Variants in DNAH8 observed in about 807,000 individuals in gnomAD.
DNAH8 encodes axonemal beta dynein heavy chain 8.
Under a neutral mutation model 562.1 loss-of-function variants are expected in DNAH8, and 382 were observed. The ratio of observed to expected loss-of-function variants is 0.68; its 90% CI spans 0.63 to 0.74. The LOEUF (loss-of-function observed/expected upper bound fraction) is 0.74, where lower values mean the gene tolerates loss of function less well. Among genes scored for constraint, DNAH8 ranks in the 30% least tolerant of loss-of-function variants. The pLI is 0.00. For missense variants in DNAH8, 5,203 were observed against 5,620.4 expected (o/e 0.93, Z 2.37); for synonymous variants, 1,881 against 1,919.4 (o/e 0.98, Z 0.52).
intron 70 of DNAH8, among the ~76,000 whole-genome samples, chr6:38,920,741 A>AAAATG (rs1373303331): frequency 2.0e-5 from 3 of 152,204 alleles, no homozygotes; most frequent in Admixed American, 6.5e-5. Context: ...GGACCTTCAT[A>AAAATG]AAATGAAATG....
chr6:38,929,924 TA>T (rs1244895203), intron 75 of DNAH8, among the ~76,000 whole-genome samples: 2 of 152,074 alleles, frequency 1.3e-5, no homozygotes, highest in Non-Finnish European at 2.9e-5. Context: ...AATATTTTGA[TA>T]AGAGTAGTCG....
At chr6:38,753,810 T>C (rs1317169559) in intron 9 of DNAH8, among the ~76,000 whole-genome samples, 2 of 152,170 alleles carry the variant, frequency 1.3e-5, no homozygotes, top group Non-Finnish European at 2.9e-5. Flanking sequence ...CTTATTATTG[T>C]TATTTTGTTG....
chr6:38,925,663 C>G (rs1047841324), intron 73 of DNAH8, among the ~76,000 whole-genome samples: 1 of 152,064 alleles, frequency 6.6e-6, no homozygotes, highest in Admixed American at 6.6e-5. Context: ...ACCAAAGGGC[C>G]GGAAGGGGAA....
intron 60 of DNAH8, 125 bp downstream of exon 60, chr6:38,896,350 G>A: frequency 1.4e-6 from 1 of 736,268 alleles, no homozygotes; most frequent in Non-Finnish European, 2.2e-6. Flanking sequence ...GAGGTGGGAG[G>A]ATTGCTTGAG....
At chr6:38,861,246 C>T (rs544692498) in intron 43 of DNAH8, among the ~76,000 whole-genome samples, 2 of 152,190 alleles carry the variant, frequency 1.3e-5, no homozygotes, top group South Asian at 4.1e-4. Context: ...ATCACATCTT[C>T]AGCCTCCTTT....
chr6:38,759,527 G>A (rs1335287141), intron 10 of DNAH8, among the ~76,000 whole-genome samples: 1 of 151,994 alleles, frequency 6.6e-6, no homozygotes, highest in East Asian at 1.9e-4. Context: ...TCTCATTCTT[G>A]CCATATATGT....
intron 72 of DNAH8, chr6:38,923,621 TAAAAATAA>T (rs1288929737): frequency 6.6e-4 from 116 of 176,918 alleles, no homozygotes; most frequent in Middle Eastern, 4.6e-3. Flanking sequence ...AAAATAAAAA[TAAAAATAA>T]AAAAATAAAA....
chr6:38,935,645 G>A lies in DNAH8; in HGVS notation c.11511G>A (p.Arg3837=), dbSNP rs61748646. The change falls in exon 77 of 93, where the codon CGG becomes CGA. Residue 3837 remains arginine (R), a synonymous_variant. Transcript: ENST00000327475. ...TGGAGGATGTTACTTTTAATAAGCG[G>A]AAGATGAAAGAACTTGAAGATAACC... ...KLLEDVTFNK[R]KMKELEDNLL... 45,355 of 1,612,796 alleles carry A rather than the reference G, an allele frequency of 0.028. 740 individuals carry two copies. The highest frequency in any genetic ancestry group is 0.032 in the Non-Finnish European group (37,293 of 1,179,282).
chr6:38,813,999 C>A (rs1350547488), intron 24 of DNAH8, 55 bp from the exon 25 acceptor site: 2 of 1,258,626 alleles, frequency 1.6e-6, no homozygotes, highest in East Asian at 2.4e-5. Context: ...GCATAATAAA[C>A]TAACAATGAA....
intron 7 of DNAH8, 143 bp downstream of exon 7, chr6:38,738,115 G>T: frequency 1.5e-6 from 1 of 677,280 alleles, no homozygotes; most frequent in Non-Finnish European, 2.4e-6. Context: ...CCAATTTTTG[G>T]GTCTAGAGCA....
At chr6:38,882,852 A>T in intron 53 of DNAH8, 58 bp from the exon 54 acceptor site, 1 of 1,207,582 alleles carries the variant, frequency 8.3e-7, no homozygotes, top group Non-Finnish European at 1.1e-6. Flanking sequence ...TTTTTGTATT[A>T]TGAGATAACT....
chr6:38,815,594 C>T lies in DNAH8; in HGVS notation c.3460C>T (p.Pro1154Ser). The change falls in exon 26 of 93, where the codon CCC (proline) becomes TCC (serine). Residue 1154 changes from proline (P) to serine (S), a missense_variant. By Grantham distance (74) the Pro-to-Ser change is moderately conservative (BLOSUM62 -1). Coordinates refer to ENST00000327475, the MANE Select transcript of DNAH8 (RefSeq NM_001206927.2). ...QQIRPIKSVI[P>S]SPTTTDVTHQ... Reference sequence around the variant, plus strand: ...AATCCGTCCCATCAAGTCTGTCATTCCCAGCCCCACCACTACTGACGTGAC... The same window carrying T: ...AATCCGTCCCATCAAGTCTGTCATTTCCAGCCCCACCACTACTGACGTGAC... The T allele has an allele frequency of 6.2e-7, 1 of 1,614,012 alleles. No homozygotes were observed. The highest frequency in any genetic ancestry group is 8.5e-7 in the Non-Finnish European group (1 of 1,179,938).
intron 92 of DNAH8, 103 bp downstream of exon 92, chr6:39,026,770 C>T: frequency 1.5e-6 from 2 of 1,298,368 alleles, no homozygotes; most frequent in South Asian, 1.4e-5. Context: ...GGTCCATTTG[C>T]TTTGCAGTGA....
intron 85 of DNAH8, among the ~76,000 whole-genome samples, chr6:38,979,754 A>G (rs1298918537): frequency 6.6e-6 from 1 of 152,208 alleles, no homozygotes; most frequent in Non-Finnish European, 1.5e-5. Flanking sequence ...AGTGCATATA[A>G]ATAGGAGTGT....
chr6:38,913,029 G>A (rs970131835), intron 66 of DNAH8, among the ~76,000 whole-genome samples: 1 of 152,126 alleles, frequency 6.6e-6, no homozygotes, highest in Non-Finnish European at 1.5e-5. Context: ...GGCTGGTTTC[G>A]AACTGACCTC....
At position 38,926,038 on chromosome 6, in the gene DNAH8, C is replaced by T; in HGVS notation, c.10963-17C>T. Reference sequence around the variant, plus strand: ...CTGTTCTCCTTTGAATGGTGATATCCATTTCCTGTTGTTCAGATTGGTGAG... The same window carrying T: ...CTGTTCTCCTTTGAATGGTGATATCTATTTCCTGTTGTTCAGATTGGTGAG... On this transcript the variant is annotated splice_polypyrimidine_tract_variant and intron_variant, in intron 73 of 92. Transcript: ENST00000327475. 1 of 1,608,516 alleles carries T rather than the reference C, an allele frequency of 6.2e-7. No individual in the cohort carries two copies. The highest frequency in any genetic ancestry group is 8.5e-7 in the Non-Finnish European group (1 of 1,177,180).
At chr6:38,995,654 C>G (rs1765088894) in intron 88 of DNAH8, among the ~76,000 whole-genome samples, 1 of 152,196 alleles carries the variant, frequency 6.6e-6, no homozygotes, top group Non-Finnish European at 1.5e-5. Context: ...GCAAACTAGT[C>G]TTTAATCTGG....
chr6:38,872,881 GA>G, intron 50 of DNAH8, 24 bp from the exon 51 acceptor site: 1 of 1,609,114 alleles, frequency 6.2e-7, no homozygotes, highest in Non-Finnish European at 8.5e-7. Flanking sequence ...AGTGAAAAGT[GA>G]TTTTCTGTTT....
chr6:38,721,027 A>G (rs7763527), intron 1 of DNAH8, among the ~76,000 whole-genome samples: 64,815 of 152,036 alleles, frequency 0.43, 14,631 homozygotes, highest in East Asian at 0.88. Context: ...AAATGTGCAG[A>G]GGAGACAAAA....
Sources: allele counts gnomAD v4.1 joint callset (sites outside exome capture counted in the v4.1 genomes callset), GRCh38; gene constraint gnomAD v4.1.1; transcripts MANE v1.5; gene names NCBI Gene and HGNC (gene_info 2026-07-23, HGNC 2026-07-21).